The following JPH1 variants were observed in gnomAD, a reference collection of about 807,000 sequenced individuals.
The protein encoded by JPH1 is junctophilin-1.
A neutral mutation model predicts 53.6 loss-of-function variants in JPH1; 12 were observed. That is an observed-to-expected ratio of 0.22 (90% confidence interval 0.14 to 0.36). The LOEUF is 0.36. JPH1 is among the 10% of genes least tolerant of loss of function. The pLI, the probability that JPH1 is intolerant of heterozygous loss-of-function variation, is 1.00. For missense variants in JPH1, 808 were observed against 905.5 expected (o/e 0.89, Z 1.38); for synonymous variants, 375 against 363.8 (o/e 1.03, Z -0.35).
intron 3 of JPH1, among the ~76,000 whole-genome samples, chr8:74,250,521 CT>C (rs1302475005): frequency 1.3e-5 from 2 of 152,254 alleles, no homozygotes; most frequent in Non-Finnish European, 2.9e-5. Flanking sequence ...CCGGTCCCCC[CT>C]GCTTCCTCAG....
Position 74,245,106 on chromosome 8 carries a change from G to C in JPH1, c.1328C>G (p.Pro443Arg), listed in dbSNP as rs756349459. The C allele has an allele frequency of 2.5e-6, 4 of 1,612,688 alleles. No individual in the cohort carries two copies. Among genetic ancestry groups the C allele is most frequent in the Non-Finnish European group, 3.4e-6 (4 of 1,179,862 alleles). ...CTCCTTTGGTGTAGGTGGCTTTTCTGGTACCTTTTCTTCTGGATTTTCTTT... is the reference window on the plus strand; with the variant it reads ...CTCCTTTGGTGTAGGTGGCTTTTCTCGTACCTTTTCTTCTGGATTTTCTTT... Reference protein sequence around the residue: ...DAKENPEEKVPEKPPTPKESP... With the variant: ...DAKENPEEKVREKPPTPKESP... Residue 443 changes from proline (P) to arginine (R), a missense_variant, in exon 4 of 6, where the codon CCA becomes CGA. Physicochemically the swap from Pro to Arg is moderately radical, Grantham distance 103 (BLOSUM62 -2). Around this residue, in one of 2 missense-constraint regions of JPH1, gnomAD observed 756 missense variants for 811.9 expected, o/e 0.93. Coordinates refer to ENST00000342232, the MANE Select transcript of JPH1 (RefSeq NM_020647.4).
chr8:74,251,139 CA>C (rs1806039962), intron 3 of JPH1, among the ~76,000 whole-genome samples: 1 of 152,194 alleles, frequency 6.6e-6, no homozygotes, highest in Admixed American at 6.5e-5. Flanking sequence ...CATCCTTCCC[CA>C]TAATAGAAAC....
intron 2 of JPH1, among the ~76,000 whole-genome samples, chr8:74,299,269 A>G (rs1398706305): frequency 6.6e-6 from 1 of 152,158 alleles, no homozygotes; most frequent in Non-Finnish European, 1.5e-5. Flanking sequence ...CGTCTTTCTA[A>G]TATTTCTCCC....
intron 2 of JPH1, among the ~76,000 whole-genome samples, chr8:74,314,416 C>T (rs951647463): frequency 6.6e-6 from 1 of 152,106 alleles, no homozygotes; most frequent in East Asian, 1.9e-4. Context: ...ATGTAAATAT[C>T]AGAATAAAGG....
At chr8:74,242,454 C>T (rs1805723939) in intron 4 of JPH1, among the ~76,000 whole-genome samples, 4 of 152,358 alleles carry the variant, frequency 2.6e-5, no homozygotes, top group Non-Finnish European at 4.4e-5. Context: ...AGCAACAGAG[C>T]TGGGATGTGA....
rs527486218 is a variant in JPH1 at position 74,251,061 on chromosome 8, G to C, written c.1259-5886C>G. Among the ~76,000 whole-genome samples the C allele has an allele frequency of 2.0e-5, 3 of 152,304 alleles. No individual in the cohort carries two copies. The East Asian group carries it at 5.8e-4, about 29-fold the overall frequency. On this transcript the variant is annotated intron_variant, in intron 3 of 5. Coordinates refer to ENST00000342232, the MANE Select transcript of JPH1 (RefSeq NM_020647.4). Reference sequence around the variant, plus strand: ...TAATGGCATCAAGCTGGGCTAGCCTGATACATCCATTTCCTGAATCAGGGT... The same window carrying C: ...TAATGGCATCAAGCTGGGCTAGCCTCATACATCCATTTCCTGAATCAGGGT...
At chr8:74,318,908 T>G (rs1035601132) in intron 1 of JPH1, among the ~76,000 whole-genome samples, 3 of 152,206 alleles carry the variant, frequency 2.0e-5, no homozygotes, top group Non-Finnish European at 4.4e-5. Flanking sequence ...AATAGTTACA[T>G]ATGAGACAGT....
chr8:74,290,962 C>T (rs865861378), intron 2 of JPH1, among the ~76,000 whole-genome samples: 2 of 152,270 alleles, frequency 1.3e-5, no homozygotes, highest in African/African-American at 2.4e-5. Context: ...CGTCCTTACA[C>T]CTTATACAAA....
intron 2 of JPH1, among the ~76,000 whole-genome samples, chr8:74,310,247 T>G (rs1017818584): frequency 6.6e-6 from 1 of 151,610 alleles, no homozygotes; most frequent in South Asian, 2.1e-4. Context: ...ACTCATTTCT[T>G]GAGATATTTA....
At chr8:74,284,917 C>G (rs546420253) in intron 2 of JPH1, among the ~76,000 whole-genome samples, 2 of 151,618 alleles carry the variant, frequency 1.3e-5, no homozygotes, top group African/African-American at 2.4e-5. Flanking sequence ...CTCTGCCTCA[C>G]GGGTTCAAGT....
At chr8:74,295,892 A>AGGC (rs1194773317) in intron 2 of JPH1, among the ~76,000 whole-genome samples, 1 of 152,108 alleles carries the variant, frequency 6.6e-6, no homozygotes, top group African/African-American at 2.4e-5. Context: ...CAAACCACTC[A>AGGC]GGCGTTGCGT....
intron 2 of JPH1, among the ~76,000 whole-genome samples, chr8:74,277,032 G>A (rs1454881218): frequency 2.0e-5 from 3 of 152,162 alleles, no homozygotes; most frequent in East Asian, 1.9e-4. Flanking sequence ...AAAAACTTAC[G>A]AAGTTTCAAC....
rs1045382712 is a variant in JPH1 at position 74,321,366 on chromosome 8, G to A, written c.-79C>T. 13 of 1,349,660 alleles carry A rather than the reference G, an allele frequency of 9.6e-6. No homozygotes were observed. The highest frequency in any genetic ancestry group is 7.8e-5 in the African/African-American group (5 of 64,098). The allele number at this position is 1,349,660 out of a possible 1,614,324, so 83.6% of individuals were successfully genotyped here. A position where few individuals can be genotyped will look rare whatever the true frequency, so the allele number is the denominator to read the frequency against. Reference sequence around the variant, plus strand: ...GGGCACGGCAGGGTGTAGCTCGGGGGTGGGGGCCCGGCGGGCGAGCTCACG... The same window carrying A: ...GGGCACGGCAGGGTGTAGCTCGGGGATGGGGGCCCGGCGGGCGAGCTCACG... On this transcript the variant is annotated 5_prime_UTR_variant, in exon 1 of 6. Coordinates refer to ENST00000342232, the MANE Select transcript of JPH1 (RefSeq NM_020647.4). The surrounding 1 kb of genome is among the most constrained non-coding windows in gnomAD (Gnocchi z 4.3).
intron 2 of JPH1, among the ~76,000 whole-genome samples, chr8:74,282,466 T>C (rs1807041449): frequency 6.6e-6 from 1 of 152,206 alleles, no homozygotes; most frequent in Non-Finnish European, 1.5e-5. Context: ...CGAATATGCA[T>C]GCTGAGGTGG....
At chr8:74,247,110 A>G (rs1357482477) in intron 3 of JPH1, among the ~76,000 whole-genome samples, 2 of 152,188 alleles carry the variant, frequency 1.3e-5, no homozygotes, top group Non-Finnish European at 2.9e-5. Flanking sequence ...TCATCAGGTC[A>G]TTGATACTAG....
intron 2 of JPH1, among the ~76,000 whole-genome samples, chr8:74,309,371 G>A (rs1161826834): frequency 6.6e-6 from 1 of 152,116 alleles, no homozygotes; most frequent in Non-Finnish European, 1.5e-5. Context: ...ACAAGCAAAG[G>A]CTTGTGGTTC....
chr8:74,267,332 T>C (rs1289759509), intron 2 of JPH1, among the ~76,000 whole-genome samples: 1 of 152,142 alleles, frequency 6.6e-6, no homozygotes, highest in Non-Finnish European at 1.5e-5. Flanking sequence ...AACAAGAAGG[T>C]AAATGGAACA....
intron 2 of JPH1, among the ~76,000 whole-genome samples, chr8:74,274,110 T>G (rs1415276929): frequency 1.3e-5 from 2 of 152,152 alleles, no homozygotes; most frequent in Non-Finnish European, 2.9e-5. Context: ...TTTGACATAA[T>G]CCAATTGTGC....
Position 74,255,200 on chromosome 8 carries a change from T to C in JPH1, c.1258+4185A>G, listed in dbSNP as rs1194980206. Among the ~76,000 whole-genome samples the C allele has an allele frequency of 5.9e-5, 9 of 152,042 alleles. No individual in the cohort carries two copies. In the South Asian group the frequency reaches 1.2e-3, roughly 21 times the overall value. ...TGGTAGTGGTACCAAAACAGAGATA[T>C]AGACCAATGGAACAGAACAGAGCCC... On this transcript the variant is annotated intron_variant, in intron 3 of 5. Coordinates refer to ENST00000342232, the MANE Select transcript of JPH1 (RefSeq NM_020647.4).
Sources: allele counts gnomAD v4.1 joint callset (sites outside exome capture counted in the v4.1 genomes callset), GRCh38; gene constraint gnomAD v4.1.1; regional missense constraint gnomAD v4.1.1; non-coding constraint Gnocchi (gnomAD v3.1); transcripts MANE v1.5; gene names NCBI Gene and HGNC (gene_info 2026-07-23, HGNC 2026-07-21).